OSBPL1A: variants seen among roughly 807,000 people sequenced by gnomAD.
OSBPL1A encodes oxysterol binding protein like 1A, also known as oxysterol-binding protein-related protein 1.
A neutral mutation model predicts 137.1 loss-of-function variants in OSBPL1A; 80 were observed. The observed-to-expected ratio is 0.58, with a 90% CI of 0.49 to 0.70. The LOEUF (loss-of-function observed/expected upper bound fraction) is 0.70, where lower values mean the gene tolerates loss of function less well. Ranked by LOEUF, OSBPL1A falls within the 30% of genes least tolerant of loss-of-function variation. OSBPL1A has a pLI of 0.00. For synonymous variants in OSBPL1A, 365 were observed against 389.7 expected, an observed-to-expected ratio of 0.94 and a Z score of 0.75; for missense variants, 970 against 1,129.4, an observed-to-expected ratio of 0.86 and a Z score of 2.02.
chr18:24,237,799 C>T (rs2088541093), intron 16 of OSBPL1A, among the ~76,000 whole-genome samples: 1 of 152,154 alleles, frequency 6.6e-6, no homozygotes, highest in Admixed American at 6.6e-5. Context: ...GTCACTCATT[C>T]TCCCTCCGAC....
intron 14 of OSBPL1A, among the ~76,000 whole-genome samples, chr18:24,283,860 CA>C (rs1179441900): frequency 6.6e-6 from 1 of 151,964 alleles, no homozygotes; most frequent in Non-Finnish European, 1.5e-5. Flanking sequence ...TACCATGAAG[CA>C]ACATTAATGG....
chr18:24,390,733 T>TA (rs1173355698), intron 1 of OSBPL1A, among the ~76,000 whole-genome samples: 2 of 140,292 alleles, frequency 1.4e-5, no homozygotes, highest in Non-Finnish European at 3.1e-5. Context: ...GTCATTAAAT[T>TA]AAAAAAAATT....
At chr18:24,195,075 G>A (rs1387141966) in intron 18 of OSBPL1A, among the ~76,000 whole-genome samples, 1 of 152,128 alleles carries the variant, frequency 6.6e-6, no homozygotes, top group Non-Finnish European at 1.5e-5. Context: ...GAGGTGGGAG[G>A]ACTGCTTGAG....
At chr18:24,391,528 G>A (rs972144562) in intron 1 of OSBPL1A, among the ~76,000 whole-genome samples, 50 of 147,700 alleles carry the variant, frequency 3.4e-4, no homozygotes, top group Non-Finnish European at 3.3e-4. Context: ...TTTAAGACCA[G>A]TCTGGGCAAC....
intron 2 of OSBPL1A, among the ~76,000 whole-genome samples, chr18:24,376,122 CG>C (rs1231375180): frequency 6.6e-6 from 1 of 152,156 alleles, no homozygotes; most frequent in African/African-American, 2.4e-5. Flanking sequence ...GGGACTCCAG[CG>C]AGTTGCCACT....
At chr18:24,175,109 T>TATATATATATATATATATATAC (rs1567919986) in intron 21 of OSBPL1A, among the ~76,000 whole-genome samples, 55 of 13,420 alleles carry the variant, frequency 4.1e-3, no homozygotes, top group Non-Finnish European at 0.02. Flanking sequence ...CATGTGTATG[T>TATATATATATATATATATATAC]ATATATATAT....
intron 4 of OSBPL1A, among the ~76,000 whole-genome samples, chr18:24,360,792 C>T (rs1244559874): frequency 6.6e-6 from 1 of 152,112 alleles, no homozygotes; most frequent in East Asian, 1.9e-4. Context: ...TGAACTGTCC[C>T]AGTGTGAGTG....
At chr18:24,380,976 A>G (rs1049497941) in intron 1 of OSBPL1A, among the ~76,000 whole-genome samples, 1 of 152,030 alleles carries the variant, frequency 6.6e-6, no homozygotes. Context: ...AAAGAAAAGA[A>G]AAAAGAAAAA....
chr18:24,172,755 T>C (rs1029193470), intron 21 of OSBPL1A, among the ~76,000 whole-genome samples: 2 of 152,100 alleles, frequency 1.3e-5, no homozygotes, highest in African/African-American at 4.8e-5. Flanking sequence ...ATTTTAAGCA[T>C]TCAAAAGTGT....
chr18:24,338,900 G>A (rs1462430289), intron 5 of OSBPL1A, among the ~76,000 whole-genome samples: 1 of 152,098 alleles, frequency 6.6e-6, no homozygotes, highest in Non-Finnish European at 1.5e-5. Context: ...TTTTAGTAGA[G>A]ACGGGGTTTC....
At chr18:24,272,329 C>T (rs1203305414) in intron 15 of OSBPL1A, 1 of 963,366 alleles carries the variant, frequency 1.0e-6, no homozygotes, top group Non-Finnish European at 1.2e-6. Context: ...CCAGTCCTGC[C>T]TGTCACTTAC....
intron 15 of OSBPL1A, among the ~76,000 whole-genome samples, chr18:24,251,256 G>A (rs1262665943): frequency 2.0e-5 from 3 of 152,144 alleles, no homozygotes; most frequent in African/African-American, 7.2e-5. Context: ...CTGAGGTCTT[G>A]AGTGACCATA....
intron 18 of OSBPL1A, among the ~76,000 whole-genome samples, chr18:24,184,298 C>A (rs1362209250): frequency 2.0e-5 from 3 of 152,166 alleles, no homozygotes; most frequent in Non-Finnish European, 4.4e-5. Context: ...TGACAGTCAA[C>A]ATCTCTGATG....
chr18:24,308,640 T>C (rs1000067602), intron 13 of OSBPL1A, among the ~76,000 whole-genome samples: 1 of 152,228 alleles, frequency 6.6e-6, no homozygotes. Flanking sequence ...ATCCCAGCAC[T>C]GTCCAATAGA....
At chr18:24,192,674 C>T (rs745870360) in intron 18 of OSBPL1A, among the ~76,000 whole-genome samples, 3 of 152,186 alleles carry the variant, frequency 2.0e-5, no homozygotes, top group South Asian at 2.1e-4. Context: ...AGAGTGAGCC[C>T]GGCTGGGGAT....
chr18:24,256,964 CAAAAAAA>C (rs201880387), intron 15 of OSBPL1A, among the ~76,000 whole-genome samples: 179 of 29,480 alleles, frequency 6.1e-3, no homozygotes, highest in Non-Finnish European at 9.9e-3. Context: ...GAAGAGGATG[CAAAAAAA>C]AAAAAAAAAA....
chr18:24,338,409 TAGA>T (rs1304998660), intron 5 of OSBPL1A, among the ~76,000 whole-genome samples: 5 of 152,120 alleles, frequency 3.3e-5, no homozygotes, highest in Admixed American at 6.5e-5. Flanking sequence ...AGACAAGATG[TAGA>T]AGAAGGCTGC....
chr18:24,179,677 T>C (rs1599444488), intron 20 of OSBPL1A, 61 bp downstream of exon 20: 2 of 1,344,078 alleles, frequency 1.5e-6, no homozygotes, highest in Non-Finnish European at 2.1e-6. Flanking sequence ...ATGACCAATA[T>C]GTATGTATTT....
chr18:24,227,452 CAAGTA>C (rs369375458), intron 16 of OSBPL1A, among the ~76,000 whole-genome samples: 66 of 152,130 alleles, frequency 4.3e-4, no homozygotes, highest in African/African-American at 1.5e-3. Context: ...CTCTAAAATA[CAAGTA>C]AAGAAATAAT....
Sources: gnomAD v4.1 joint callset for allele counts (sites outside exome capture counted in the v4.1 genomes callset) on GRCh38, gnomAD v4.1.1 for gene constraint, MANE v1.5 for transcripts, NCBI Gene and HGNC (gene_info 2026-07-23, HGNC 2026-07-21) for gene names.